Variants in PHKB observed in about 807,000 individuals in gnomAD.
PHKB encodes phosphorylase kinase regulatory subunit beta, also known as phosphorylase b kinase regulatory subunit beta.
A neutral mutation model predicts 152.1 loss-of-function variants in PHKB; 122 were observed. That is an observed-to-expected ratio of 0.80 (90% CI 0.69 to 0.93). The LOEUF (loss-of-function observed/expected upper bound fraction) is 0.93, where lower values mean the gene tolerates loss of function less well. PHKB is among the 40% of genes least tolerant of loss of function. The pLI is 0.00. For synonymous variants in PHKB, 436 were observed against 464.9 expected (o/e 0.94, Z 0.80); for missense variants, 1,304 against 1,328.4 (o/e 0.98, Z 0.29).
intron 25 of PHKB, chr16:47,666,069 G>A: frequency 6.9e-7 from 1 of 1,456,640 alleles, no homozygotes. Flanking sequence ...TTTGGTCCCG[G>A]TTGCAAAGAT....
chr16:47,699,051 T>C, intron 30 of PHKB, 178 bp from the exon 31 acceptor site: 1 of 634,340 alleles, frequency 1.6e-6, no homozygotes. Context: ...ATACTAAAAA[T>C]ATCTGTCTTT....
intron 9 of PHKB, among the ~76,000 whole-genome samples, chr16:47,588,355 C>T (rs1169499373): frequency 4.7e-5 from 7 of 149,682 alleles, no homozygotes; most frequent in Non-Finnish European, 3.0e-5. Flanking sequence ...CCCACTCATG[C>T]CACTACTCTA....
chr16:47,596,820 G>A (rs1028149043), intron 13 of PHKB, among the ~76,000 whole-genome samples: 1 of 152,096 alleles, frequency 6.6e-6, no homozygotes, highest in African/African-American at 2.4e-5. Context: ...TAGAAACTTT[G>A]AGTTACTTTT....
At chr16:47,496,334 C>G (rs920415470) in intron 1 of PHKB, among the ~76,000 whole-genome samples, 2 of 151,558 alleles carry the variant, frequency 1.3e-5, no homozygotes, top group Non-Finnish European at 2.9e-5. Context: ...TGTATACACT[C>G]TTTCTTTACT....
intron 4 of PHKB, among the ~76,000 whole-genome samples, chr16:47,508,582 A>G (rs2151648003): frequency 6.6e-6 from 1 of 152,306 alleles, no homozygotes; most frequent in South Asian, 2.1e-4. Context: ...TGGATGACAA[A>G]ATACTCAATT....
intron 6 of PHKB, among the ~76,000 whole-genome samples, chr16:47,542,181 T>C (rs747273615): frequency 1.2e-4 from 18 of 152,224 alleles, no homozygotes; most frequent in Non-Finnish European, 2.4e-4. Flanking sequence ...CTATAAGGTA[T>C]AAGGTATAAG....
intron 3 of PHKB, 43 bp from the exon 4 acceptor site, chr16:47,502,948 A>G: frequency 7.9e-7 from 1 of 1,265,768 alleles, no homozygotes. Context: ...TTCCTTTTCA[A>G]ATGCATTTCC....
chr16:47,535,730 C>A (rs1323242435), intron 6 of PHKB, among the ~76,000 whole-genome samples: 1 of 152,140 alleles, frequency 6.6e-6, no homozygotes, highest in Non-Finnish European at 1.5e-5. Context: ...CAATCTCAAA[C>A]GTTATTGTTG....
intron 1 of PHKB, among the ~76,000 whole-genome samples, chr16:47,481,186 T>G (rs890123136): frequency 6.6e-6 from 1 of 152,174 alleles, no homozygotes; most frequent in Non-Finnish European, 1.5e-5. Context: ...TTAGTGACTT[T>G]TCGTGAAATT....
chr16:47,669,471 A>G, intron 26 of PHKB, 54 bp downstream of exon 26: 1 of 1,506,054 alleles, frequency 6.6e-7, no homozygotes, highest in African/African-American at 1.4e-5. Flanking sequence ...TTGTCCTCTA[A>G]CAGACCCGGC....
chr16:47,691,971 A>C (rs1263452249), intron 27 of PHKB, among the ~76,000 whole-genome samples: 1 of 152,186 alleles, frequency 6.6e-6, no homozygotes, highest in Non-Finnish European at 1.5e-5. Context: ...AACAAAGGGA[A>C]TGAGGGGAAA....
At chr16:47,519,825 G>A (rs1251798172) in intron 6 of PHKB, among the ~76,000 whole-genome samples, 1 of 152,196 alleles carries the variant, frequency 6.6e-6, no homozygotes, top group Non-Finnish European at 1.5e-5. Flanking sequence ...AACTTCGTTA[G>A]AGAGATTTTT....
chr16:47,594,332 G>A (rs2151700576), intron 12 of PHKB, 118 bp downstream of exon 12: 3 of 671,896 alleles, frequency 4.5e-6, no homozygotes, highest in East Asian at 5.6e-5. Flanking sequence ...AAAAATGAAT[G>A]ATCCCTGATA....
At chr16:47,499,571 G>A (rs1366403861) in intron 2 of PHKB, among the ~76,000 whole-genome samples, 185 bp from the exon 3 acceptor site, 1 of 152,302 alleles carries the variant, frequency 6.6e-6, no homozygotes, top group East Asian at 1.9e-4. Context: ...TTTATGTAGG[G>A]TGGATTCCCA....
rs528386012 is a variant in PHKB at position 47,513,075 on chromosome 16, C to T, written c.513+1303C>T. Among the ~76,000 whole-genome samples the T allele has an allele frequency of 2.8e-4, 43 of 152,282 alleles. No individual in the cohort carries two copies. The South Asian group carries it at 8.9e-3, about 32-fold the overall frequency. ...TTCCTTTGATAAATATGTTTGCTAT[C>T]AGAAGTAGGGTTTTCAGAAGATAAT... On this transcript the variant is annotated intron_variant, in intron 5 of 30. Transcript: ENST00000323584.
Position 47,641,039 on chromosome 16 carries a change from C to CATT in PHKB, c.1464_1465insTTA (p.Leu489dup), listed in dbSNP as rs1466600415. ...CTCCCTTATTCTGCATTACAGGGCC[C>CATT]ACTGGAAAATGACTTGGTAGTTCAT... On this transcript the variant is annotated inframe_insertion, in exon 15 of 31. Transcript: ENST00000323584. 2 of 1,613,578 alleles carry CATT rather than the reference C, an allele frequency of 1.2e-6. No homozygotes were observed. The highest frequency in any genetic ancestry group is 2.7e-5 in the African/African-American group (2 of 74,844).
chr16:47,594,258 G>A (rs763366665), intron 12 of PHKB, 44 bp downstream of exon 12: 1 of 994,482 alleles, frequency 1.0e-6, no homozygotes, highest in Non-Finnish European at 1.6e-6. Context: ...AACATTTCCT[G>A]AATGTTTATT....
At chr16:47,537,896 C>G (rs959215986) in intron 6 of PHKB, among the ~76,000 whole-genome samples, 2 of 149,012 alleles carry the variant, frequency 1.3e-5, no homozygotes, top group South Asian at 2.1e-4. Context: ...CTCTCTCTCT[C>G]TCTCTCTTTT....
intron 26 of PHKB, among the ~76,000 whole-genome samples, chr16:47,674,723 C>T (rs939421062): frequency 5.3e-5 from 8 of 152,152 alleles, no homozygotes; most frequent in African/African-American, 1.9e-4. Flanking sequence ...TGTCATTGTT[C>T]GAAGTTAACA....
Sources: gnomAD v4.1 joint callset for allele counts (sites outside exome capture counted in the v4.1 genomes callset) on GRCh38, gnomAD v4.1.1 for gene constraint, MANE v1.5 for transcripts, NCBI Gene and HGNC (gene_info 2026-07-23, HGNC 2026-07-21) for gene names.